Variants in RBFOX1 observed in about 807,000 individuals in gnomAD.
RBFOX1 encodes the protein RNA binding protein fox-1 homolog 1.
RBFOX1 carries 8 observed loss-of-function variants against 57.7 expected under a neutral mutation model. The observed-to-expected ratio is 0.14, with a 90% CI of 0.08 to 0.25. The LOEUF (loss-of-function observed/expected upper bound fraction) is 0.25, where lower values mean the gene tolerates loss of function less well. Ranked by LOEUF, RBFOX1 falls within the 10% of genes least tolerant of loss-of-function variation. The pLI, the probability that RBFOX1 is intolerant of heterozygous loss-of-function variation, is 1.00. For synonymous variants in RBFOX1, 326 were observed against 222.4 expected (o/e 1.47, Z -4.15); for missense variants, 611 against 548.5 (o/e 1.11, Z -1.14).
intron 11 of RBFOX1, among the ~76,000 whole-genome samples, chr16:7,639,689 G>C (rs2062432904): frequency 6.6e-6 from 1 of 152,134 alleles, no homozygotes; most frequent in Admixed American, 6.5e-5. Context: ...CTTATTCACT[G>C]TTAGCACTGC....
intron 4 of RBFOX1, among the ~76,000 whole-genome samples, chr16:7,320,499 T>A (rs1393813966): frequency 1.3e-5 from 2 of 152,246 alleles, no homozygotes; most frequent in East Asian, 3.8e-4. Context: ...TTGTGTTGAT[T>A]CCATGTCTTT....
chr16:6,720,272 C>G (rs1230866780), intron 3 of RBFOX1, among the ~76,000 whole-genome samples: 2 of 152,058 alleles, frequency 1.3e-5, no homozygotes, highest in African/African-American at 2.4e-5. Context: ...TACTTCTTCC[C>G]CCTTCACTCT....
intron 1 of RBFOX1, among the ~76,000 whole-genome samples, chr16:6,157,333 A>G (rs763086322): frequency 6.6e-6 from 1 of 152,116 alleles, no homozygotes; most frequent in Non-Finnish European, 1.5e-5. Context: ...TGGTTGCCAG[A>G]TACAACACAG....
At chr16:5,304,537 T>C (rs1255967730) in intron 1 of RBFOX1, among the ~76,000 whole-genome samples, 1 of 152,220 alleles carries the variant, frequency 6.6e-6, no homozygotes, top group Non-Finnish European at 1.5e-5. Flanking sequence ...GAAAGCCAAC[T>C]TTGCTTCATT....
intron 2 of RBFOX1, among the ~76,000 whole-genome samples, chr16:6,332,917 A>T (rs1377552142): frequency 6.6e-6 from 1 of 152,238 alleles, no homozygotes; most frequent in Non-Finnish European, 1.5e-5. Flanking sequence ...TATATTAGCT[A>T]CACCTTACAG....
intron 2 of RBFOX1, among the ~76,000 whole-genome samples, chr16:6,627,613 C>T (rs985299327): frequency 1.1e-4 from 17 of 152,092 alleles, no homozygotes; most frequent in Admixed American, 2.6e-4. Flanking sequence ...ATACTATTAA[C>T]GCCTATACTT....
At chr16:5,913,425 C>T (rs2058645337) in intron 4 of RBFOX1, among the ~76,000 whole-genome samples, 3 of 152,126 alleles carry the variant, frequency 2.0e-5, no homozygotes, top group Non-Finnish European at 4.4e-5. Flanking sequence ...TGGCTTGGTA[C>T]CTTCCCCACA....
chr16:6,879,916 ATTAT>A (rs1345364190), intron 3 of RBFOX1, among the ~76,000 whole-genome samples: 1 of 152,182 alleles, frequency 6.6e-6, no homozygotes, highest in Admixed American at 6.5e-5. Context: ...CTTTTAAAAT[ATTAT>A]TTAAATTTTC....
At chr16:5,950,604 A>T (rs987920059) in intron 4 of RBFOX1, among the ~76,000 whole-genome samples, 1 of 152,086 alleles carries the variant, frequency 6.6e-6, no homozygotes, top group Admixed American at 6.6e-5. Context: ...TTGATGCTCA[A>T]ATTGTCCGAA....
chr16:7,228,955 T>A (rs774491005), intron 4 of RBFOX1, among the ~76,000 whole-genome samples: 20 of 152,112 alleles, frequency 1.3e-4, no homozygotes, highest in Non-Finnish European at 2.6e-4. Context: ...ATTACAAGGC[T>A]TTATATGGAA....
chr16:7,071,565 C>G (rs1567152748), intron 4 of RBFOX1, among the ~76,000 whole-genome samples: 1 of 148,484 alleles, frequency 6.7e-6, no homozygotes, highest in Non-Finnish European at 1.5e-5. Context: ...CACAACTGAC[C>G]CCAACACTAA....
At chr16:6,721,367 C>T (rs563016399) in intron 3 of RBFOX1, among the ~76,000 whole-genome samples, 3 of 152,246 alleles carry the variant, frequency 2.0e-5, no homozygotes, top group Admixed American at 1.3e-4. Context: ...CACTTGAACC[C>T]GGGAGGCGGA....
chr16:5,992,468 G>A (rs1470137295), intron 4 of RBFOX1, among the ~76,000 whole-genome samples: 1 of 152,154 alleles, frequency 6.6e-6, no homozygotes, highest in Admixed American at 6.5e-5. Context: ...CTTTTGACAG[G>A]ATCCCCCAAC....
chr16:6,907,819 C>A (rs2070449040), intron 3 of RBFOX1, among the ~76,000 whole-genome samples: 2 of 149,062 alleles, frequency 1.3e-5, no homozygotes, highest in South Asian at 4.2e-4. Flanking sequence ...GGTGAACCAC[C>A]CGCCTCGGCC....
At chr16:6,395,182 C>T (rs2092773444) in intron 2 of RBFOX1, among the ~76,000 whole-genome samples, 1 of 152,102 alleles carries the variant, frequency 6.6e-6, no homozygotes, top group Non-Finnish European at 1.5e-5. Flanking sequence ...CTAAGGACTA[C>T]AGAAGAATTG....
In RBFOX1 at chr16:6,170,827, G is replaced by A. The variant is rs908798174; in HGVS notation, c.-126-146168G>A. On this transcript the variant is annotated intron_variant, in intron 1 of 15. Coordinates refer to ENST00000550418, the MANE Select transcript of RBFOX1 (RefSeq NM_018723.4). ...GTTCTCTTTAGTACCGTTTATTAGT[G>A]AGAACATGCGGTATTTGGTTTTCTG... Among the ~76,000 whole-genome samples, 5 of 152,068 alleles carry A rather than the reference G, an allele frequency of 3.3e-5. No homozygotes were observed. In the South Asian group the frequency reaches 6.2e-4, roughly 19 times the overall value.
Position 6,641,030 on chromosome 16 carries a change from G to A in RBFOX1, c.-63-13573G>A, listed in dbSNP as rs149572261. On this transcript the variant is annotated intron_variant, in intron 2 of 15. Coordinates refer to ENST00000550418, the MANE Select transcript of RBFOX1 (RefSeq NM_018723.4). ...TAAGTTGCTATCTGACTTGATGGGC[G>A]TAAACTCACCGTTCTGCATCCCACT... Among the ~76,000 whole-genome samples, 323 of 152,266 alleles carry A rather than the reference G, an allele frequency of 2.1e-3. 3 individuals are homozygous for A. The highest frequency in any genetic ancestry group is 6.9e-3 in the African/African-American group (288 of 41,546).
chr16:6,749,759 T>G (rs1177400864), intron 3 of RBFOX1, among the ~76,000 whole-genome samples: 1 of 152,208 alleles, frequency 6.6e-6, no homozygotes, highest in Non-Finnish European at 1.5e-5. Context: ...GGAAAGTTTT[T>G]CAGTGTTAAC....
intron 4 of RBFOX1, among the ~76,000 whole-genome samples, chr16:7,196,135 A>G (rs2086638756): frequency 6.6e-6 from 1 of 152,046 alleles, no homozygotes; most frequent in Non-Finnish European, 1.5e-5. Flanking sequence ...TCATTTTTCT[A>G]AAGGAAGTAA....
Sources: gnomAD v4.1 joint callset for allele counts (sites outside exome capture counted in the v4.1 genomes callset) on GRCh38, gnomAD v4.1.1 for gene constraint, MANE v1.5 for transcripts, NCBI Gene and HGNC (gene_info 2026-07-23, HGNC 2026-07-21) for gene names.